Variants in TMEM161B observed in about 807,000 individuals in gnomAD.
TMEM161B encodes the protein transmembrane protein 161B.
A neutral mutation model predicts 61.8 loss-of-function variants in TMEM161B; 34 were observed. The ratio of observed to expected loss-of-function variants is 0.55; its 90% CI spans 0.42 to 0.73. The LOEUF (loss-of-function observed/expected upper bound fraction) is 0.73, where lower values mean the gene tolerates loss of function less well. Ranked by LOEUF, TMEM161B falls within the 30% of genes least tolerant of loss-of-function variation. TMEM161B has a pLI of 0.00. For synonymous variants in TMEM161B, 167 were observed against 192.8 expected, an observed-to-expected ratio of 0.87 and a Z score of 1.11; for missense variants, 456 against 558.5, an observed-to-expected ratio of 0.82 and a Z score of 1.85.
At chr5:88,191,048 GTT>G (rs1001702272), downstream of TMEM161B, among the ~76,000 whole-genome samples, 4 of 151,986 alleles carry the variant, frequency 2.6e-5, no homozygotes, top group Admixed American at 6.6e-5. Context: ...TTCAATAATT[GTT>G]TTTTGTCCAT....
downstream of TMEM161B, chr5:88,195,034 A>C: frequency 4.1e-6 from 2 of 492,148 alleles, no homozygotes; most frequent in Non-Finnish European, 5.3e-6. Context: ...ATTTAAAACA[A>C]GTCCTATTTA....
chr5:88,190,668 C>T (rs894964005), downstream of TMEM161B, among the ~76,000 whole-genome samples: 1 of 152,186 alleles, frequency 6.6e-6, no homozygotes, highest in Non-Finnish European at 1.5e-5. Context: ...TAACTGCCAC[C>T]TTGTGGAGTT....
chr5:88,211,932 T>C (rs954435769), intron 5 of TMEM161B, among the ~76,000 whole-genome samples: 25 of 152,016 alleles, frequency 1.6e-4, no homozygotes, highest in African/African-American at 5.3e-4. Context: ...AAACTTGATG[T>C]TTCCAAATTA....
chr5:88,210,232 A>C (rs1349159741), intron 5 of TMEM161B, among the ~76,000 whole-genome samples: 1 of 152,214 alleles, frequency 6.6e-6, no homozygotes, highest in Non-Finnish European at 1.5e-5. Flanking sequence ...AGTTCTCAGC[A>C]ACAACTTAAT....
At chr5:88,234,946 T>G (rs1469178276) in intron 2 of TMEM161B, among the ~76,000 whole-genome samples, 1 of 152,182 alleles carries the variant, frequency 6.6e-6, no homozygotes, top group Non-Finnish European at 1.5e-5. Flanking sequence ...TATACAACTT[T>G]CAGTACATAG....
chr5:88,244,820 A>G (rs549653204), intron 1 of TMEM161B, among the ~76,000 whole-genome samples: 2 of 151,746 alleles, frequency 1.3e-5, no homozygotes, highest in Admixed American at 6.6e-5. Flanking sequence ...GATTTCTTTG[A>G]GCAGTATTTT....
chr5:88,204,418 C>T (rs973913067), intron 8 of TMEM161B, among the ~76,000 whole-genome samples: 1 of 152,294 alleles, frequency 6.6e-6, no homozygotes, highest in East Asian at 1.9e-4. Flanking sequence ...CCAACCACCA[C>T]CAAATGCTTT....
At chr5:88,192,949 T>A (rs1749108547), downstream of TMEM161B, among the ~76,000 whole-genome samples, 1 of 152,124 alleles carries the variant, frequency 6.6e-6, no homozygotes, top group Non-Finnish European at 1.5e-5. Context: ...ACCTGTCAAT[T>A]CCATTAATGG....
chr5:88,241,865 C>A (rs1752800367), intron 1 of TMEM161B, among the ~76,000 whole-genome samples: 2 of 151,722 alleles, frequency 1.3e-5, no homozygotes, highest in Non-Finnish European at 2.9e-5. Context: ...AAATGGGAAC[C>A]CTCTCACTTC....
chr5:88,258,282 G>A (rs1273198586), intron 1 of TMEM161B, among the ~76,000 whole-genome samples: 2 of 152,002 alleles, frequency 1.3e-5, no homozygotes, highest in South Asian at 2.1e-4. Flanking sequence ...CTACTTTTTC[G>A]TAAAGATTGT....
At chr5:88,206,613 CTAGCT>C in intron 6 of TMEM161B, 114 bp from the exon 7 acceptor site, 1 of 1,035,800 alleles carries the variant, frequency 9.7e-7, no homozygotes, top group South Asian at 1.7e-5. Context: ...TTTGAAGTGA[CTAGCT>C]TAGCTCTTTC....
rs567397754 is a variant in TMEM161B at position 88,203,606 on chromosome 5, C to A, written c.801-531G>T. ...GAAGGCATATGGCAGACGGAACCTACTGCAACAACCCGCAACTGAGGAACC... is the reference window on the plus strand; with the variant it reads ...GAAGGCATATGGCAGACGGAACCTAATGCAACAACCCGCAACTGAGGAACC... On this transcript the variant is annotated intron_variant, in intron 8 of 11. Coordinates refer to ENST00000296595, the MANE Select transcript of TMEM161B (RefSeq NM_153354.5). 9.2e-5 allele frequency among the ~76,000 whole-genome samples: 14 copies of A among 151,770 alleles called. No individual in the cohort carries two copies. In the South Asian group the frequency reaches 1.9e-3, roughly 20 times the overall value.
intron 1 of TMEM161B, among the ~76,000 whole-genome samples, chr5:88,266,140 T>C (rs540673483): frequency 1.3e-5 from 2 of 152,344 alleles, no homozygotes; most frequent in African/African-American, 4.8e-5. Flanking sequence ...TCATTCATAA[T>C]ACAAAAACCT....
intron 1 of TMEM161B, among the ~76,000 whole-genome samples, chr5:88,260,678 C>T (rs556629870): frequency 6.6e-6 from 1 of 152,306 alleles, no homozygotes; most frequent in South Asian, 2.1e-4. Context: ...GTCTCAAACT[C>T]CTGGCCTCAA....
chr5:88,259,138 G>A (rs1175604338), intron 1 of TMEM161B: 2 of 151,926 alleles, frequency 1.3e-5, no homozygotes, highest in Admixed American at 6.6e-5. Flanking sequence ...TTCACAATCC[G>A]AACCTCTCTA....
chr5:88,199,336 T>C, intron 9 of TMEM161B, 186 bp from the exon 10 acceptor site: 2 of 464,128 alleles, frequency 4.3e-6, no homozygotes, highest in Non-Finnish European at 7.3e-6. Flanking sequence ...CAGAACTAGA[T>C]AAATGTATCA....
chr5:88,191,178 A>G (rs1748801222), downstream of TMEM161B, among the ~76,000 whole-genome samples: 1 of 152,242 alleles, frequency 6.6e-6, no homozygotes, highest in African/African-American at 2.4e-5. Flanking sequence ...TTCTATTAAA[A>G]GCCATGGAAT....
intron 1 of TMEM161B, among the ~76,000 whole-genome samples, chr5:88,262,004 G>T (rs193252237): frequency 1.5e-4 from 23 of 152,112 alleles, no homozygotes; most frequent in Non-Finnish European, 2.8e-4. Context: ...CAGACCAGGG[G>T]AAAATATCTG....
chr5:88,230,677 C>T (rs1451062331), intron 2 of TMEM161B, among the ~76,000 whole-genome samples: 5 of 152,306 alleles, frequency 3.3e-5, no homozygotes, highest in African/African-American at 1.2e-4. Flanking sequence ...TCCTTGTGAA[C>T]ACCTATGCCC....
Sources: gnomAD v4.1 joint callset for allele counts (sites outside exome capture counted in the v4.1 genomes callset) on GRCh38, gnomAD v4.1.1 for gene constraint, MANE v1.5 for transcripts, NCBI Gene and HGNC (gene_info 2026-07-23, HGNC 2026-07-21) for gene names.